Variants in ABL2 observed in about 807,000 individuals in gnomAD.
ABL2 encodes ABL proto-oncogene 2, non-receptor tyrosine kinase, also known as tyrosine-protein kinase ABL2.
In ABL2, 49 loss-of-function variants were observed where a neutral mutation model predicts 107.7. That is an observed-to-expected ratio of 0.45 (90% CI 0.36 to 0.58). The LOEUF is 0.58. Ranked by LOEUF, ABL2 falls within the 20% of genes least tolerant of loss-of-function variation. ABL2 has a pLI of 0.00. For synonymous variants in ABL2, 549 were observed against 548.6 expected (o/e 1.00, Z -0.01); for missense variants, 1,245 against 1,457.0 (o/e 0.85, Z 2.37).
intron 1 of ABL2, among the ~76,000 whole-genome samples, chr1:179,144,749 C>T (rs1657873839): frequency 6.6e-6 from 1 of 152,108 alleles, no homozygotes; most frequent in Non-Finnish European, 1.5e-5. Flanking sequence ...AAAGCCAGTA[C>T]TTTCAACATC....
intron 1 of ABL2, among the ~76,000 whole-genome samples, chr1:179,204,420 T>A (rs1571313640): frequency 6.6e-6 from 1 of 152,096 alleles, no homozygotes; most frequent in African/African-American, 2.4e-5. Flanking sequence ...TCCCTCCGCA[T>A]CTCTACTCCC....
At chr1:179,185,534 CTT>C (rs1660635614) in intron 1 of ABL2, among the ~76,000 whole-genome samples, 1 of 152,098 alleles carries the variant, frequency 6.6e-6, no homozygotes, top group Admixed American at 6.5e-5. Flanking sequence ...GTATAAGTCA[CTT>C]TGTTATAATA....
chr1:179,109,173 A>C lies in ABL2; in HGVS notation c.2094T>G (p.Ala698=). The C allele has an allele frequency of 6.2e-7, 1 of 1,613,870 alleles. No individual in the cohort carries two copies. Among genetic ancestry groups the C allele is most frequent in the Non-Finnish European group, 8.5e-7 (1 of 1,179,982 alleles). ...NFSSVASLQH[A]DGFSFTPAQQ... is the part of the protein sequence containing the mutation. ...GGGCAGGAGTGAAAGAGAACCCATC[A>C]GCATGCTGTAGAGAAGCAACAGATG... Residue 698 remains alanine (A), a synonymous_variant, in exon 12 of 12, where the codon GCT becomes GCG. Coordinates refer to ENST00000502732, the MANE Select transcript of ABL2 (RefSeq NM_007314.4).
intron 1 of ABL2, among the ~76,000 whole-genome samples, chr1:179,214,881 C>T (rs975101975): frequency 6.6e-6 from 1 of 152,070 alleles, no homozygotes; most frequent in African/African-American, 2.4e-5. Flanking sequence ...AATTGTGGGT[C>T]GGGCACAGTA....
At chr1:179,160,884 C>T (rs186336166) in intron 1 of ABL2, among the ~76,000 whole-genome samples, 1 of 152,156 alleles carries the variant, frequency 6.6e-6, no homozygotes, top group South Asian at 2.1e-4. Flanking sequence ...ACTACAAGCA[C>T]AAGCCACCAC....
At chr1:179,179,098 G>A (rs1319596861) in intron 1 of ABL2, among the ~76,000 whole-genome samples, 1 of 152,132 alleles carries the variant, frequency 6.6e-6, no homozygotes, top group African/African-American at 2.4e-5. Flanking sequence ...TACATCCTAA[G>A]CAGGAATACA....
chr1:179,215,236 T>C (rs1048245591), intron 1 of ABL2, among the ~76,000 whole-genome samples: 2 of 151,936 alleles, frequency 1.3e-5, no homozygotes, highest in Admixed American at 1.3e-4. Flanking sequence ...TGTTAATATA[T>C]ATACTCATAT....
chr1:179,107,763 G>A lies in ABL2; in HGVS notation c.3504C>T (p.Asn1168=), dbSNP rs141543536. The stretch of plus-strand genomic sequence containing the variant: ...TGATTTCCTGTACACATGACAATAA[G>A]TTATTAAGGACAGGGTTTGTCCCGG... The part of the protein sequence containing the change: ...GVPGTNPVLN[N]LLSCVQEISD... Residue 1168 remains asparagine, a synonymous_variant, in exon 12 of 12, where the codon AAC becomes AAT. Coordinates refer to ENST00000502732, the MANE Select transcript of ABL2 (RefSeq NM_007314.4). 31 of 1,613,988 alleles carry A rather than the reference G, an allele frequency of 1.9e-5. No individual in the cohort carries two copies. The highest frequency in any genetic ancestry group is 2.5e-5 in the Non-Finnish European group (30 of 1,179,970).
At position 179,109,270 on chromosome 1, in the gene ABL2, G is replaced by T; in HGVS notation, c.1997C>A (p.Pro666His). The change falls in exon 12 of 12, where the codon CCC becomes CAC. Residue 666 changes from proline to histidine, a missense_variant. This residue lies in a region of ABL2 where 761 missense variants were observed against 766.4 expected (regional missense o/e 0.99). Coordinates refer to ENST00000502732, the MANE Select transcript of ABL2 (RefSeq NM_007314.4). ...TTCTCGGAAGGAGCTGCTGCGTTTGGGGGGTGTAGGAGCATTTCTCTTCTT... is the reference window on the plus strand; with the variant it reads ...TTCTCGGAAGGAGCTGCTGCGTTTGTGGGGTGTAGGAGCATTTCTCTTCTT... Reference protein sequence around the residue: ...FMKKRNAPTPPKRSSSFREME... With the variant: ...FMKKRNAPTPHKRSSSFREME... The T allele has an allele frequency of 6.2e-7, 1 of 1,614,060 alleles. No individual in the cohort carries two copies.
At chr1:179,190,985 A>G (rs1419445534) in intron 1 of ABL2, among the ~76,000 whole-genome samples, 1 of 152,174 alleles carries the variant, frequency 6.6e-6, no homozygotes, top group Non-Finnish European at 1.5e-5. Context: ...TTAATAGGAA[A>G]AAGTAGAGGC....
At chr1:179,184,310 T>C in intron 1 of ABL2, 1 of 536,268 alleles carries the variant, frequency 1.9e-6, no homozygotes, top group Non-Finnish European at 3.4e-6. Flanking sequence ...TTCATTTGAA[T>C]GAGAGTGGTA....
At chr1:179,173,001 C>T (rs1030472046) in intron 1 of ABL2, among the ~76,000 whole-genome samples, 1 of 152,026 alleles carries the variant, frequency 6.6e-6, no homozygotes, top group Non-Finnish European at 1.5e-5. Context: ...ACTAGCCTGG[C>T]CAATATGTCA....
At chr1:179,179,126 T>A (rs140282272) in intron 1 of ABL2, among the ~76,000 whole-genome samples, 1 of 152,148 alleles carries the variant, frequency 6.6e-6, no homozygotes, top group Non-Finnish European at 1.5e-5. Flanking sequence ...GAGTCACCAG[T>A]TTAAAATGTG....
chr1:179,202,941 G>A (rs1183650946), intron 1 of ABL2, among the ~76,000 whole-genome samples: 1 of 152,118 alleles, frequency 6.6e-6, no homozygotes, highest in Non-Finnish European at 1.5e-5. Context: ...AAATACATGA[G>A]TGAAAAATGA....
intron 1 of ABL2, among the ~76,000 whole-genome samples, chr1:179,134,901 C>T (rs1042408798): frequency 2.0e-5 from 3 of 152,236 alleles, no homozygotes; most frequent in Non-Finnish European, 4.4e-5. Flanking sequence ...GACTGGTTTT[C>T]GTATTTTTTT....
intron 1 of ABL2, among the ~76,000 whole-genome samples, chr1:179,134,639 A>C (rs1262481537): frequency 1.3e-5 from 2 of 152,120 alleles, no homozygotes; most frequent in Non-Finnish European, 2.9e-5. Context: ...GTATTTTATT[A>C]CCTAAATAAT....
intron 1 of ABL2, among the ~76,000 whole-genome samples, chr1:179,189,028 G>A (rs1660850177): frequency 6.6e-6 from 1 of 152,062 alleles, no homozygotes; most frequent in Non-Finnish European, 1.5e-5. Flanking sequence ...TTATAACAAT[G>A]ACTGAATTAC....
intron 1 of ABL2, among the ~76,000 whole-genome samples, chr1:179,227,170 A>C (rs1663263481): frequency 6.6e-6 from 1 of 152,186 alleles, no homozygotes; most frequent in South Asian, 2.1e-4. Context: ...CTGCTTCTTA[A>C]TTAGAATCAT....
chr1:179,157,688 A>G (rs1305900867), intron 1 of ABL2, among the ~76,000 whole-genome samples: 3 of 151,380 alleles, frequency 2.0e-5, no homozygotes, highest in Admixed American at 6.7e-5. Context: ...AAAGTTATCC[A>G]AAAGACAAAT....
Sources: gnomAD v4.1 joint callset for allele counts (sites outside exome capture counted in the v4.1 genomes callset) on GRCh38, gnomAD v4.1.1 for gene constraint, gnomAD v4.1.1 regional missense constraint, MANE v1.5 for transcripts, NCBI Gene and HGNC (gene_info 2026-07-23, HGNC 2026-07-21) for gene names.